FAM107B: variants seen among roughly 807,000 people sequenced by gnomAD.
The protein encoded by FAM107B is family with sequence similarity 107 member B, also known as protein FAM107B.
Under a neutral mutation model 31.5 loss-of-function variants are expected in FAM107B, and 21 were observed. The observed-to-expected ratio is 0.67, with a 90% CI of 0.47 to 0.96. The LOEUF is 0.96. Among genes scored for constraint, FAM107B ranks in the 40% least tolerant of loss-of-function variants. The pLI, the probability that FAM107B is intolerant of heterozygous loss-of-function variation, is 0.00. For synonymous variants in FAM107B, 157 were observed against 141.5 expected, an observed-to-expected ratio of 1.11 and a Z score of -0.78; for missense variants, 452 against 377.1, an observed-to-expected ratio of 1.20 and a Z score of -1.64.
chr10:14,545,578 C>T (rs954388284), intron 2 of FAM107B, among the ~76,000 whole-genome samples: 1 of 152,196 alleles, frequency 6.6e-6, no homozygotes, highest in African/African-American at 2.4e-5. Flanking sequence ...GCACCTGTTG[C>T]CTGCTAGAGG....
intron 2 of FAM107B, among the ~76,000 whole-genome samples, chr10:14,659,474 A>G (rs1001522630): frequency 1.3e-5 from 2 of 148,482 alleles, no homozygotes; most frequent in Admixed American, 1.3e-4. Flanking sequence ...ACAAGCAAAC[A>G]AAAAACTGTC....
At chr10:14,624,753 T>C (rs1853111978) in intron 2 of FAM107B, among the ~76,000 whole-genome samples, 1 of 152,178 alleles carries the variant, frequency 6.6e-6, no homozygotes, top group Non-Finnish European at 1.5e-5. Context: ...CTAAAGCAGC[T>C]GGCAAACGCA....
chr10:14,581,712 G>A (rs1202531542), intron 2 of FAM107B, among the ~76,000 whole-genome samples: 1 of 152,170 alleles, frequency 6.6e-6, no homozygotes, highest in Non-Finnish European at 1.5e-5. Context: ...AACAGCCTGG[G>A]CACCATAGCA....
intron 2 of FAM107B, among the ~76,000 whole-genome samples, chr10:14,551,712 C>T (rs141518861): frequency 5.5e-4 from 83 of 151,508 alleles, no homozygotes; most frequent in African/African-American, 1.9e-3. Flanking sequence ...ATCTGTATTA[C>T]CATTACTATA....
At chr10:14,767,049 TATATATAGAGAGAGAGAGAGAGAGAGAG>T (rs1833186045) in intron 1 of FAM107B, among the ~76,000 whole-genome samples, 1 of 36,062 alleles carries the variant, frequency 2.8e-5, no homozygotes, top group African/African-American at 9.6e-5. Context: ...TATATATATA[TATATATAGAGAGAGAGAGAGAGAGAGAG>T]AGAGAGAGAG....
At chr10:14,575,511 T>C (rs1369450739) in intron 2 of FAM107B, among the ~76,000 whole-genome samples, 1 of 152,060 alleles carries the variant, frequency 6.6e-6, no homozygotes, top group African/African-American at 2.4e-5. Context: ...CCAAGAAGCT[T>C]TTCAATGGAG....
At chr10:14,760,222 AG>A (rs1244186858) in intron 1 of FAM107B, among the ~76,000 whole-genome samples, 1 of 152,204 alleles carries the variant, frequency 6.6e-6, no homozygotes, top group East Asian at 1.9e-4. Context: ...ACTCTGCTAG[AG>A]GGAATGGTTT....
At chr10:14,587,569 C>G (rs1347981241) in intron 2 of FAM107B, among the ~76,000 whole-genome samples, 1 of 152,124 alleles carries the variant, frequency 6.6e-6, no homozygotes. Context: ...TTGTCTTACA[C>G]AAACATCCAA....
chr10:14,751,476 T>C (rs1028943770), intron 1 of FAM107B, among the ~76,000 whole-genome samples: 5 of 151,762 alleles, frequency 3.3e-5, no homozygotes, highest in South Asian at 2.1e-4. Context: ...GGAAGACAAG[T>C]TGAATAGAGT....
intron 2 of FAM107B, among the ~76,000 whole-genome samples, chr10:14,601,859 G>A (rs1361168326): frequency 6.6e-6 from 1 of 152,182 alleles, no homozygotes; most frequent in African/African-American, 2.4e-5. Context: ...AAGAAAATCA[G>A]TAAAACTCTT....
At chr10:14,767,055 T>G (rs12248670) in intron 1 of FAM107B, among the ~76,000 whole-genome samples, 218 of 18,274 alleles carry the variant, frequency 0.012, 9 homozygotes, top group Non-Finnish European at 0.014. Context: ...TATATATATA[T>G]AGAGAGAGAG....
chr10:14,648,435 G>A (rs1853820715), intron 2 of FAM107B, among the ~76,000 whole-genome samples: 1 of 152,218 alleles, frequency 6.6e-6, no homozygotes, highest in South Asian at 2.1e-4. Flanking sequence ...TTCATACCCA[G>A]CGAACTCAAG....
At chr10:14,629,435 T>A (rs1301949436) in intron 2 of FAM107B, among the ~76,000 whole-genome samples, 3 of 10,974 alleles carry the variant, frequency 2.7e-4, no homozygotes, top group African/African-American at 1.1e-3. Flanking sequence ...ATAATATATA[T>A]TATATATATA....
At chr10:14,751,500 A>ATTT (rs371112027) in intron 1 of FAM107B, among the ~76,000 whole-genome samples, 3 of 150,028 alleles carry the variant, frequency 2.0e-5, no homozygotes, top group African/African-American at 2.5e-5. Context: ...CTTATATGGG[A>ATTT]TTTTTTTCTT....
At chr10:14,678,674 G>T (rs1263784613) in intron 1 of FAM107B, among the ~76,000 whole-genome samples, 10 of 152,166 alleles carry the variant, frequency 6.6e-5, no homozygotes, top group Admixed American at 6.5e-4. Flanking sequence ...TCATGTAAGG[G>T]TGGAACATGC....
chr10:14,772,216 T>C (rs1017966277), intron 1 of FAM107B, among the ~76,000 whole-genome samples: 13 of 151,958 alleles, frequency 8.6e-5, no homozygotes, highest in African/African-American at 2.2e-4. Context: ...TAGCTGGGCC[T>C]GGTGGCAGGC....
At chr10:14,652,929 G>T (rs1853938709) in intron 2 of FAM107B, 1 of 152,196 alleles carries the variant, frequency 6.6e-6, no homozygotes, top group Non-Finnish European at 1.5e-5. Context: ...ACCACATACT[G>T]TGAGCCCACT....
intron 1 of FAM107B, among the ~76,000 whole-genome samples, chr10:14,763,646 G>A (rs753946626): frequency 6.6e-6 from 1 of 152,072 alleles, no homozygotes; most frequent in East Asian, 1.9e-4. Flanking sequence ...CAGCACTTCC[G>A]GAACTCTCAG....
At chr10:14,680,342 G>C (rs1040601884) in intron 1 of FAM107B, among the ~76,000 whole-genome samples, 1 of 152,236 alleles carries the variant, frequency 6.6e-6, no homozygotes. Context: ...GGGAGGCTGA[G>C]GCAGGCACAT....
Sources: allele counts gnomAD v4.1 joint callset (sites outside exome capture counted in the v4.1 genomes callset), GRCh38; gene constraint gnomAD v4.1.1; transcripts MANE v1.5; gene names NCBI Gene and HGNC (gene_info 2026-07-23, HGNC 2026-07-21).